EPHX1: variants seen among roughly 807,000 people sequenced by gnomAD.
EPHX1 encodes epoxide hydratase.
EPHX1 carries 40 observed loss-of-function variants against 43.2 expected under a neutral mutation model. The ratio of observed to expected loss-of-function variants is 0.93; its 90% CI spans 0.72 to 1.21. The LOEUF (loss-of-function observed/expected upper bound fraction) is 1.21. EPHX1 is among the 50% of genes most tolerant of loss of function. The pLI is 0.00. For missense variants in EPHX1, 550 were observed against 570.4 expected (o/e 0.96, Z 0.36); for synonymous variants, 221 against 226.7 (o/e 0.98, Z 0.22).
Position 225,832,732 on chromosome 1 carries a change from G to A in EPHX1, c.364+773G>A, listed in dbSNP as rs187121519. ...ATATTTTTTTCCTTTCTTTTTTTCG[G>A]TAATGGTCATCCTAATGGGTATGAA... On this transcript the variant is annotated intron_variant, in intron 3 of 8. Transcript: ENST00000272167. 2.4e-3 allele frequency among the ~76,000 whole-genome samples: 371 copies of A among 152,198 alleles called. 2 individuals carry two copies. The highest frequency in any genetic ancestry group is 6.8e-3 in the Middle Eastern group (2 of 292).
At chr1:225,836,448 A>G (rs986281578) in intron 3 of EPHX1, among the ~76,000 whole-genome samples, 2 of 152,140 alleles carry the variant, frequency 1.3e-5, no homozygotes, top group South Asian at 4.1e-4. Context: ...AATAACAAAA[A>G]TAGGCTAGAC....
chr1:225,825,499 C>T (rs1308204039), intron 1 of EPHX1: 1 of 152,208 alleles, frequency 6.6e-6, no homozygotes, highest in Non-Finnish European at 1.5e-5. Context: ...ACATTTATAT[C>T]CTAGAGGGAA....
At chr1:225,833,600 C>T (rs913055233) in intron 3 of EPHX1, among the ~76,000 whole-genome samples, 6 of 151,072 alleles carry the variant, frequency 4.0e-5, no homozygotes, top group Non-Finnish European at 5.9e-5. Context: ...TTGAGACCAT[C>T]GTAGCTAACA....
chr1:225,824,936 AAC>A (rs1667159454), intron 1 of EPHX1, among the ~76,000 whole-genome samples: 2 of 152,368 alleles, frequency 1.3e-5, no homozygotes, highest in South Asian at 2.1e-4. Flanking sequence ...GTGGCAAAGT[AAC>A]ACACTGCAGT....
At chr1:225,822,326 G>GA (rs1667015541) in intron 1 of EPHX1, among the ~76,000 whole-genome samples, 1 of 152,052 alleles carries the variant, frequency 6.6e-6, no homozygotes, top group Non-Finnish European at 1.5e-5. Flanking sequence ...TTGGCTTCGA[G>GA]AAAAAAATGA....
chr1:225,828,634 C>G (rs1303467456), intron 1 of EPHX1, 91 bp from the exon 2 acceptor site: 1 of 1,320,590 alleles, frequency 7.6e-7, no homozygotes. Context: ...TGGAGCGCAG[C>G]AGGAAAGAGC....
intron 5 of EPHX1, 63 bp from the exon 6 acceptor site, chr1:225,839,766 T>A: frequency 6.5e-7 from 1 of 1,545,044 alleles, no homozygotes; most frequent in Non-Finnish European, 8.9e-7. Flanking sequence ...CTCCGCCATC[T>A]CTCCTCTCTC....
At chr1:225,839,617 T>TG (rs1404218627) in intron 5 of EPHX1, among the ~76,000 whole-genome samples, 1 of 152,092 alleles carries the variant, frequency 6.6e-6, no homozygotes, top group Admixed American at 6.6e-5. Context: ...GACCAAGCTC[T>TG]GGGATAGCCC....
chr1:225,814,989 G>C (rs915686186), intron 1 of EPHX1, among the ~76,000 whole-genome samples: 13 of 152,232 alleles, frequency 8.5e-5, no homozygotes, highest in Non-Finnish European at 2.9e-5. Context: ...CCAGCTCTTT[G>C]GGGGAAATGA....
rs4149223 is a variant in EPHX1, at chr1:225,838,540, C to G, written c.365-114C>G. ...TATTACTGTCAATACCATGAAGGGG[C>G]GGCGGGGGCACTAAGGGTGGCAGGA... is the stretch of plus-strand genomic sequence containing the variant. On this transcript the variant is annotated intron_variant, in intron 3 of 8. Transcript: ENST00000272167. 448,117 of 827,282 alleles carry G rather than the reference C, an allele frequency of 0.54. 123,681 individuals carry two copies. Among genetic ancestry groups the G allele is most frequent in the Admixed American group, 0.67 (32,085 of 48,076 alleles). 51.2% of individuals were successfully genotyped at this position (827,282 alleles called of 1,614,324 possible). A position where few individuals can be genotyped will look rare whatever the true frequency, so the allele number is the denominator to read the frequency against.
intron 1 of EPHX1, among the ~76,000 whole-genome samples, chr1:225,821,041 A>C (rs1323733586): frequency 2.6e-5 from 4 of 152,312 alleles, no homozygotes; most frequent in Admixed American, 2.6e-4. Context: ...ACTTTAAAAA[A>C]CAAATAACTT....
chr1:225,827,707 A>G (rs2102712259), intron 1 of EPHX1, among the ~76,000 whole-genome samples: 2 of 152,360 alleles, frequency 1.3e-5, no homozygotes, highest in Middle Eastern at 6.8e-3. Context: ...AATGTTCTAC[A>G]GTTGACTGTG....
Position 225,815,107 on chromosome 1 carries a change from C to T in EPHX1, c.-6+4938C>T, listed in dbSNP as rs1268184013. On this transcript the variant is annotated intron_variant, in intron 1 of 8. Coordinates refer to ENST00000272167, the MANE Select transcript of EPHX1 (RefSeq NM_001136018.4). ...GGCCCAGCAAATGTAGCCACCAGGT[C>T]GGGGCACAGCCACCAGGTGGAAGAA... Among the ~76,000 whole-genome samples, 6 of 140,026 alleles carry T rather than the reference C, an allele frequency of 4.3e-5. 1 individual carries two copies. The Admixed American group carries it at 4.3e-4, about 10-fold the overall frequency. The allele number at this position is 140,026 out of a possible 152,430, so 91.9% of individuals were successfully genotyped here. A position where few individuals can be genotyped will look rare whatever the true frequency, so the allele number is the denominator to read the frequency against.
At position 225,834,389 on chromosome 1, in the gene EPHX1, G is replaced by A. The variant is rs192267856; in HGVS notation, c.364+2430G>A. Among the ~76,000 whole-genome samples the A allele has an allele frequency of 2.2e-3, 342 of 152,068 alleles. 2 individuals are homozygous for A. The highest frequency in any genetic ancestry group is 0.01 in the Middle Eastern group (3 of 294). On this transcript the variant is annotated intron_variant, in intron 3 of 8. Coordinates refer to ENST00000272167, the MANE Select transcript of EPHX1 (RefSeq NM_001136018.4). ...CACTGCACTCCAGCCTGGCAACAGA[G>A]CAAGACTCCATCTCAAAAAAAAAGG...
In EPHX1 at chr1:225,810,141, G is replaced by C. The variant is rs1021472708; in HGVS notation, c.-34G>C. ...AGGGAGCCGGAGAGATCGCGCGCCT[G>C]CCGCCGCCGGAGCCTGCGAGCCGAG... On this transcript the variant is annotated 5_prime_UTR_variant, in exon 1 of 9. Transcript: ENST00000272167. The C allele has an allele frequency of 6.6e-6, 1 of 151,744 alleles. No individual in the cohort carries two copies. The highest frequency in any genetic ancestry group is 1.5e-5 in the Non-Finnish European group (1 of 67,820). The allele number at this position is 151,744 out of a possible 1,614,324, so 9.4% of individuals were successfully genotyped here. A position where few individuals can be genotyped will look rare whatever the true frequency, so the allele number is the denominator to read the frequency against.
chr1:225,844,314 T>C (rs969150685), intron 7 of EPHX1, among the ~76,000 whole-genome samples, 184 bp from the exon 8 acceptor site: 1 of 152,082 alleles, frequency 6.6e-6, no homozygotes, highest in African/African-American at 2.4e-5. Context: ...ACTAAATCCA[T>C]GCGCTCCAGT....
intron 7 of EPHX1, among the ~76,000 whole-genome samples, chr1:225,843,695 T>C (rs923431422): frequency 6.6e-6 from 1 of 152,166 alleles, no homozygotes; most frequent in African/African-American, 2.4e-5. Context: ...AGATCTGTGT[T>C]CTAGAAAGAA....
In EPHX1 at chr1:225,839,329, GGCCCAGCTGGT is replaced by G. The variant is rs779511985; in HGVS notation, c.712_722del (p.Leu238ProfsTer35). 2 of 1,613,888 alleles carry G rather than the reference GGCCCAGCTGGT, an allele frequency of 1.2e-6. No homozygotes were observed. The highest frequency in any genetic ancestry group is 1.7e-6 in the Non-Finnish European group (2 of 1,179,976). On this transcript the variant is annotated frameshift_variant, in exon 5 of 9. Coordinates refer to ENST00000272167, the MANE Select transcript of EPHX1 (RefSeq NM_001136018.4). LOFTEE classifies it high-confidence loss of function. ...GGGGGTCCCTGATCTGCACTAATATGGCCCAGCTGGTGCCCAGGTGAGGTCACTGTTGGGGT... is the reference window on the plus strand; with the variant it reads ...GGGGGTCCCTGATCTGCACTAATATGGCCCAGGTGAGGTCACTGTTGGGGT...
At chr1:225,835,811 G>T (rs1312696881) in intron 3 of EPHX1, among the ~76,000 whole-genome samples, 2 of 151,010 alleles carry the variant, frequency 1.3e-5, no homozygotes, top group Non-Finnish European at 2.9e-5. Context: ...GCTTCCCAAA[G>T]TATCAGGATT....
Sources: allele counts gnomAD v4.1 joint callset (sites outside exome capture counted in the v4.1 genomes callset), GRCh38; gene constraint gnomAD v4.1.1; transcripts MANE v1.5; gene names NCBI Gene and HGNC (gene_info 2026-07-23, HGNC 2026-07-21).